The following ATP1A3 variants were observed in gnomAD, a reference collection of about 807,000 sequenced individuals.
ATP1A3 encodes ATPase Na+/K+ transporting subunit alpha 3.
ATP1A3 carries 12 observed loss-of-function variants against 108.8 expected under a neutral mutation model. That is an observed-to-expected ratio of 0.11 (90% confidence interval 0.07 to 0.18). ATP1A3 has a LOEUF of 0.18. Ranked by LOEUF, ATP1A3 falls within the 10% of genes least tolerant of loss-of-function variation. ATP1A3 has a pLI of 1.00. For missense variants in ATP1A3, 498 were observed against 1,387.7 expected (o/e 0.36, Z 10.19); for synonymous variants, 539 against 564.5 (o/e 0.95, Z 0.64).
chr19:41,973,621 C>A (rs1376861852), intron 16 of ATP1A3, among the ~76,000 whole-genome samples: 1 of 152,194 alleles, frequency 6.6e-6, no homozygotes, highest in African/African-American at 2.4e-5. Context: ...CCCATCTGGG[C>A]AGGACCCTCA....
Position 41,969,589 on chromosome 19 carries a change from A to G in ATP1A3, c.2543-9T>C, listed in dbSNP as rs2145946094. 1.2e-6 allele frequency: 2 copies of G among 1,613,144 alleles called. No individual in the cohort carries two copies. Among genetic ancestry groups the G allele is most frequent in the Non-Finnish European group, 1.7e-6 (2 of 1,179,970 alleles). On this transcript the variant is annotated splice_polypyrimidine_tract_variant and intron_variant, in intron 18 of 22. Coordinates refer to ENST00000648268, the MANE Select transcript of ATP1A3 (RefSeq NM_152296.5). Reference sequence around the variant, plus strand: ...GAGAGCCTGGATCATTCCTGGAAGGAGGAGAGAGGAAGCCGAGGAGAGGCT... The same window carrying G: ...GAGAGCCTGGATCATTCCTGGAAGGGGGAGAGAGGAAGCCGAGGAGAGGCT...
At chr19:41,976,959 C>A (rs886226661) in intron 14 of ATP1A3, among the ~76,000 whole-genome samples, 9 of 151,766 alleles carry the variant, frequency 5.9e-5, no homozygotes, top group African/African-American at 2.2e-4. Flanking sequence ...TGCCCACCAC[C>A]ACGCCTGGCT....
rs1192838212 is a variant in ATP1A3, at chr19:41,967,532, C to T, written c.2921+130G>A. 1.6e-5 allele frequency: 19 copies of T among 1,182,368 alleles called. No individual in the cohort carries two copies. In the African/African-American group the frequency reaches 1.7e-4, roughly 11 times the overall value. The allele number at this position is 1,182,368 out of a possible 1,614,324, so 73.2% of individuals were successfully genotyped here. A position where few individuals can be genotyped will look rare whatever the true frequency, so the allele number is the denominator to read the frequency against. On this transcript the variant is annotated intron_variant, in intron 21 of 22. Coordinates refer to ENST00000648268, the MANE Select transcript of ATP1A3 (RefSeq NM_152296.5). This position sits in a 1 kb window ranked among gnomAD's most constrained non-coding sequence, Gnocchi z 4.2. The stretch of plus-strand genomic sequence containing the variant: ...GTGGGAGCAGCCTATGGGGGAGGCT[C>T]GGGGGCATCAGAATGGGGACTGCAG...
Position 41,967,907 on chromosome 19 carries a change from AC to A in ATP1A3, c.2820-145del, listed in dbSNP as rs2075061360. The A allele has an allele frequency of 9.4e-6, 7 of 746,618 alleles. No individual in the cohort carries two copies. Among genetic ancestry groups the A allele is most frequent in the African/African-American group, 1.7e-5 (1 of 57,746 alleles). 46.2% of individuals were successfully genotyped at this position (746,618 alleles called of 1,614,324 possible). ...CAGAGAGGCAGAGACATAGGGAGAG[AC>A]AGAGATGGGGAGACATGCCCCGACA... On this transcript the variant is annotated intron_variant, in intron 20 of 22. Transcript: ENST00000648268. The surrounding 1 kb of genome is among the most constrained non-coding windows in gnomAD (Gnocchi z 4.2).
Position 41,985,128 on chromosome 19 carries a change from G to A in ATP1A3, c.783C>T (p.Ala261=). 2 of 1,614,022 alleles carry A rather than the reference G, an allele frequency of 1.2e-6. No individual in the cohort carries two copies. The highest frequency in any genetic ancestry group is 1.7e-6 in the Non-Finnish European group (2 of 1,179,922). Residue 261 remains alanine, a synonymous_variant, in exon 8 of 23, where the codon GCC becomes GCT. Transcript: ENST00000648268. This position sits in a 1 kb window ranked among gnomAD's most constrained non-coding sequence, Gnocchi z 8.2. Reference sequence around the variant, plus strand: ...CCACCTCCAGCCCTGATGCCAGGGTGGCGATACGGCCCATGACAGTGCGGT... The same window carrying A: ...CCACCTCCAGCCCTGATGCCAGGGTAGCGATACGGCCCATGACAGTGCGGT... ...TGDRTVMGRI[A]TLASGLEVGK... is the part of the protein sequence containing the mutation.
In ATP1A3 at chr19:41,994,174, G is replaced by A. The variant is rs1555868257; in HGVS notation, c.-98C>T. The A allele has an allele frequency of 6.6e-6, 8 of 1,208,474 alleles. No homozygotes were observed. In the Admixed American group the frequency reaches 1.2e-4, roughly 19 times the overall value. The allele number at this position is 1,208,474 out of a possible 1,614,324, so 74.9% of individuals were successfully genotyped here. Reference sequence around the variant, plus strand: ...GGCTGGGAGCCTCTGCAGCGCCCGCGCCTCGGTAGGTGCGCGCGTCCGTCC... The same window carrying A: ...GGCTGGGAGCCTCTGCAGCGCCCGCACCTCGGTAGGTGCGCGCGTCCGTCC... On this transcript the variant is annotated 5_prime_UTR_variant, in exon 1 of 23. Coordinates refer to ENST00000648268, the MANE Select transcript of ATP1A3 (RefSeq NM_152296.5).
intron 1 of ATP1A3, among the ~76,000 whole-genome samples, chr19:41,990,387 G>A (rs1298206081): frequency 6.6e-5 from 7 of 105,600 alleles, no homozygotes; most frequent in Non-Finnish European, 1.2e-4. Context: ...CAAATCTTCC[G>A]TCCCCCTCCT....
Position 41,988,605 on chromosome 19 carries a change from C to T in ATP1A3, c.7-43G>A, listed in dbSNP as rs782597250. 22 of 1,613,804 alleles carry T rather than the reference C, an allele frequency of 1.4e-5. No individual in the cohort carries two copies. Among genetic ancestry groups the T allele is most frequent in the African/African-American group, 2.7e-5 (2 of 74,894 alleles). On this transcript the variant is annotated intron_variant, in intron 1 of 22. Coordinates refer to ENST00000648268, the MANE Select transcript of ATP1A3 (RefSeq NM_152296.5). The surrounding 1 kb of genome is among the most constrained non-coding windows in gnomAD (Gnocchi z 5.3). ...GATAGCTGTCAGAGCCACCAGACTGCGGGCGAGAAGGGGTTCCAGGAGGAC... is the reference window on the plus strand; with the variant it reads ...GATAGCTGTCAGAGCCACCAGACTGTGGGCGAGAAGGGGTTCCAGGAGGAC...
rs4060828 is a variant in ATP1A3 at position 41,993,501 on chromosome 19, GCACACACACACA to G, written c.6+558_6+569del. On this transcript the variant is annotated intron_variant, in intron 1 of 22. Coordinates refer to ENST00000648268, the MANE Select transcript of ATP1A3 (RefSeq NM_152296.5). ...CCCAGGCTGCGACACTGCGGAGCCTGCACACACACACACACACACACACACACACACACACAC... is the reference window on the plus strand; with the variant it reads ...CCCAGGCTGCGACACTGCGGAGCCTGCACACACACACACACACACACACAC... The G allele has an allele frequency of 8.5e-3, 5,758 of 676,010 alleles. 23 individuals carry two copies. Among genetic ancestry groups the G allele is most frequent in the East Asian group, 0.027 (812 of 29,740 alleles). The allele number at this position is 676,010 out of a possible 1,614,324, so 41.9% of individuals were successfully genotyped here.
At chr19:41,979,427 G>A (rs192681103) in intron 11 of ATP1A3, among the ~76,000 whole-genome samples, 8 of 151,910 alleles carry the variant, frequency 5.3e-5, no homozygotes, top group Non-Finnish European at 1.0e-4. Context: ...CGATCCTCCC[G>A]CTTCGGTCTC....
rs1555858860 is a variant in ATP1A3 at position 41,967,383 on chromosome 19, C to T, written c.2922-43G>A. 1.5e-5 allele frequency: 24 copies of T among 1,585,346 alleles called. No individual in the cohort carries two copies. The Middle Eastern group carries it at 8.3e-4, about 55-fold the overall frequency. The stretch of plus-strand genomic sequence containing the variant: ...GGAGGGCTTGAGTGCGGGGCCCTAA[C>T]GAGAGGCAGAGTTTCAGGGGACTGG... On this transcript the variant is annotated intron_variant, in intron 21 of 22. Coordinates refer to ENST00000648268, the MANE Select transcript of ATP1A3 (RefSeq NM_152296.5). This position sits in a 1 kb window ranked among gnomAD's most constrained non-coding sequence, Gnocchi z 4.2.
chr19:41,977,583 C>T (rs1941886913), intron 14 of ATP1A3, among the ~76,000 whole-genome samples: 1 of 151,782 alleles, frequency 6.6e-6, no homozygotes, highest in Admixed American at 6.6e-5. Context: ...CCCTGTAATC[C>T]CAGCTACTCA....
Position 41,978,534 on chromosome 19 carries a change from G to A in ATP1A3, c.1630+72C>T. The A allele has an allele frequency of 1.3e-6, 2 of 1,593,126 alleles. No homozygotes were observed. Among genetic ancestry groups the A allele is most frequent in the Non-Finnish European group, 1.7e-6 (2 of 1,169,566 alleles). On this transcript the variant is annotated intron_variant, in intron 12 of 22. Coordinates refer to ENST00000648268, the MANE Select transcript of ATP1A3 (RefSeq NM_152296.5). The surrounding 1 kb of genome is among the most constrained non-coding windows in gnomAD (Gnocchi z 8.3). Reference sequence around the variant, plus strand: ...TATATTCTGGGAGGCCCTGGGCTGAGACAGGCTTTGGGCAGCATCACAACC... The same window carrying A: ...TATATTCTGGGAGGCCCTGGGCTGAAACAGGCTTTGGGCAGCATCACAACC...
rs1555859139 is a variant in ATP1A3 at position 41,968,767 on chromosome 19, T to C, written c.2819+18A>G. The stretch of plus-strand genomic sequence containing the variant: ...AGGACAGATGGCTGTCCAGTCACCA[T>C]GTGCCCCCGGCCCTCACTTCATGCC... On this transcript the variant is annotated intron_variant, in intron 20 of 22. Coordinates refer to ENST00000648268, the MANE Select transcript of ATP1A3 (RefSeq NM_152296.5). The surrounding 1 kb of genome is among the most constrained non-coding windows in gnomAD (Gnocchi z 5.0). 2 of 1,613,554 alleles carry C rather than the reference T, an allele frequency of 1.2e-6. No homozygotes were observed. Among genetic ancestry groups the C allele is most frequent in the Admixed American group, 1.7e-5 (1 of 59,996 alleles).
intron 18 of ATP1A3, 51 bp downstream of exon 18, chr19:41,970,134 G>A (rs782216472): frequency 5.8e-5 from 93 of 1,613,888 alleles, no homozygotes; most frequent in Middle Eastern, 3.3e-4. Flanking sequence ...GCCAGGCACT[G>A]CTCTAGGCCC....
At chr19:41,991,926 G>T (rs530965887) in intron 1 of ATP1A3, among the ~76,000 whole-genome samples, 1 of 147,404 alleles carries the variant, frequency 6.8e-6, no homozygotes, top group East Asian at 2.0e-4. Context: ...GGACCCCTGG[G>T]TCTGAGGGAG....
intron 1 of ATP1A3, among the ~76,000 whole-genome samples, chr19:41,991,315 G>C (rs1453553248): frequency 6.6e-6 from 1 of 152,160 alleles, no homozygotes; most frequent in Non-Finnish European, 1.5e-5. Flanking sequence ...GTGCAGGGAG[G>C]GGCAGCAGCC....
intron 16 of ATP1A3, among the ~76,000 whole-genome samples, chr19:41,970,917 C>T (rs574545799): frequency 6.6e-5 from 10 of 151,000 alleles, no homozygotes; most frequent in Admixed American, 1.3e-4. Context: ...CAGGCGTGAG[C>T]CACCGCGCCC....
intron 8 of ATP1A3, among the ~76,000 whole-genome samples, chr19:41,982,363 C>T (rs1555863863): frequency 2.0e-5 from 3 of 152,148 alleles, no homozygotes; most frequent in African/African-American, 7.2e-5. Context: ...CAGTGGCTCA[C>T]GCCTGTAATC....
Sources: gnomAD v4.1 joint callset for allele counts (sites outside exome capture counted in the v4.1 genomes callset) on GRCh38, gnomAD v4.1.1 for gene constraint, Gnocchi (gnomAD v3.1) non-coding constraint, MANE v1.5 for transcripts, NCBI Gene and HGNC (gene_info 2026-07-23, HGNC 2026-07-21) for gene names.